Variants in METAP2 observed in about 807,000 individuals in gnomAD.
METAP2 encodes the protein methionyl aminopeptidase 2.
Under a neutral mutation model 59.4 loss-of-function variants are expected in METAP2, and 25 were observed. The observed-to-expected ratio is 0.42, with a 90% CI of 0.31 to 0.59. The LOEUF (loss-of-function observed/expected upper bound fraction) is 0.59, where lower values mean the gene tolerates loss of function less well. Among genes scored for constraint, METAP2 ranks in the 20% least tolerant of loss-of-function variants. METAP2 has a pLI of 0.16. For synonymous variants in METAP2, 214 were observed against 194.1 expected, an observed-to-expected ratio of 1.10 and a Z score of -0.85; for missense variants, 366 against 581.2, an observed-to-expected ratio of 0.63 and a Z score of 3.81.
rs375140588 is a variant in METAP2, at chr12:95,474,186, G to A, written c.7G>A (p.Gly3Ser). 1.4e-5 allele frequency: 22 copies of A among 1,613,652 alleles called. No homozygotes were observed. The highest frequency in any genetic ancestry group is 1.8e-5 in the Non-Finnish European group (21 of 1,179,818). ...TCGCGCTCTCTCGGGCAACATGGCG[G>A]GTGTGGAGGAGGTAGCGGCCTCCGG... MA[G>S]VEEVAASGSH... is the part of the protein sequence containing the mutation. The change falls in exon 1 of 11, where the codon GGT becomes AGT. Residue 3 changes from glycine to serine, a missense_variant. Coordinates refer to ENST00000323666, the MANE Select transcript of METAP2 (RefSeq NM_006838.4).
chr12:95,475,756 T>G (rs1005275712), intron 1 of METAP2, among the ~76,000 whole-genome samples: 2 of 152,236 alleles, frequency 1.3e-5, no homozygotes, highest in African/African-American at 2.4e-5. Flanking sequence ...ATCTGGTGTT[T>G]AAGTATTTGT....
At chr12:95,511,211 G>C (rs1410410051) in intron 8 of METAP2, among the ~76,000 whole-genome samples, 1 of 152,006 alleles carries the variant, frequency 6.6e-6, no homozygotes, top group African/African-American at 2.4e-5. Context: ...CATATTAACA[G>C]TATCTTTCAC....
Position 95,514,808 on chromosome 12 carries a change from T to C in METAP2, c.*904T>C, listed in dbSNP as rs1160621546. The C allele has an allele frequency of 6.6e-6, 1 of 152,178 alleles. No homozygotes were observed. The highest frequency in any genetic ancestry group is 1.9e-4 in the East Asian group (1 of 5,204). The allele number at this position is 152,178 out of a possible 1,614,324, so 9.4% of individuals were successfully genotyped here. A position where few individuals can be genotyped will look rare whatever the true frequency, so the allele number is the denominator to read the frequency against. On this transcript the variant is annotated 3_prime_UTR_variant, in exon 11 of 11. Coordinates refer to ENST00000323666, the MANE Select transcript of METAP2 (RefSeq NM_006838.4). ...TCCCATGTTTGGATCTTGTTCTAGT[T>C]AGAAAAATTAAGTTGAAATTCTTGG...
chr12:95,505,966 A>C (rs2076355996), intron 8 of METAP2, among the ~76,000 whole-genome samples: 1 of 151,460 alleles, frequency 6.6e-6, no homozygotes. Flanking sequence ...GCGTGATGGC[A>C]CACACCTGTA....
rs1594408972 is a variant in METAP2, at chr12:95,477,514, G to A, written c.259+1336G>A. On this transcript the variant is annotated intron_variant, in intron 2 of 10. Transcript: ENST00000323666. ...CCTTCTGGGTGTTTGGGTACAATAA[G>A]ATTTTTTTAAAGACAGCAACTGCTA... is the stretch of plus-strand genomic sequence containing the variant. 3.9e-5 allele frequency among the ~76,000 whole-genome samples: 6 copies of A among 152,296 alleles called. No individual in the cohort carries two copies. In the Middle Eastern group the frequency reaches 0.014, roughly 345 times the overall value.
rs568123900 is a variant in METAP2, at chr12:95,494,294, G to A, written c.590+77G>A. 1.7e-5 allele frequency: 23 copies of A among 1,350,512 alleles called. No individual in the cohort carries two copies. The East Asian group carries it at 5.3e-4, about 31-fold the overall frequency. 83.7% of individuals were successfully genotyped at this position (1,350,512 alleles called of 1,614,324 possible). ...ACTAACTCTCCAATTATAATGTTTG[G>A]CTTTCATTACCACTTTGCTAAATCT... On this transcript the variant is annotated intron_variant, in intron 5 of 10. Transcript: ENST00000323666.
intron 2 of METAP2, among the ~76,000 whole-genome samples, chr12:95,481,036 A>G (rs61064612): frequency 0.027 from 4,060 of 152,310 alleles, 164 homozygotes; most frequent in African/African-American, 0.093. Context: ...AGTGCAAGGC[A>G]GAGCTTAAAA....
chr12:95,501,007 A>AT (rs540202398), intron 7 of METAP2, among the ~76,000 whole-genome samples: 12,908 of 103,448 alleles, frequency 0.12, 1,044 homozygotes, highest in South Asian at 0.17. Flanking sequence ...CTTTGTTGGG[A>AT]TTTTTTTTTT....
intron 3 of METAP2, among the ~76,000 whole-genome samples, chr12:95,485,071 A>G (rs1439423474): frequency 6.6e-6 from 1 of 152,220 alleles, no homozygotes; most frequent in Non-Finnish European, 1.5e-5. Flanking sequence ...TGATAACCAT[A>G]GTACAGATTA....
intron 7 of METAP2, 49 bp downstream of exon 7, chr12:95,496,147 A>G (rs17024311): frequency 0.09 from 114,524 of 1,274,758 alleles, 5,554 homozygotes; most frequent in East Asian, 0.19. Context: ...TGAGCACTTT[A>G]AGGTCTTTTA....
At chr12:95,505,007 A>G (rs993558021) in intron 8 of METAP2, among the ~76,000 whole-genome samples, 4 of 151,954 alleles carry the variant, frequency 2.6e-5, no homozygotes, top group African/African-American at 7.3e-5. Context: ...ACCATCCCCC[A>G]GCCACCATCC....
At chr12:95,486,448 A>T (rs1239356112) in intron 4 of METAP2, among the ~76,000 whole-genome samples, 2 of 150,852 alleles carry the variant, frequency 1.3e-5, no homozygotes, top group Admixed American at 6.6e-5. Flanking sequence ...ACTTATCCTT[A>T]GTGAGATTTA....
chr12:95,483,529 G>C (rs2076175030), intron 3 of METAP2: 1 of 351,350 alleles, frequency 2.8e-6, no homozygotes. Context: ...GGTTTGAAGA[G>C]TAGGTTTGAA....
chr12:95,511,036 C>T lies in METAP2; in HGVS notation c.965-859C>T, dbSNP rs147844164. ...TTTTGATTGTTGAATGTTATTCCCT[C>T]GTGAATATGCCACAATTTGTCTATT... On this transcript the variant is annotated intron_variant, in intron 8 of 10. Transcript: ENST00000323666. Among the ~76,000 whole-genome samples, 886 of 152,226 alleles carry T rather than the reference C, an allele frequency of 5.8e-3. 8 individuals are homozygous for T. Among genetic ancestry groups the T allele is most frequent in the African/African-American group, 0.02 (839 of 41,532 alleles).
Position 95,493,066 on chromosome 12 carries a change from A to G in METAP2, c.429-990A>G, listed in dbSNP as rs145306553. ...CAGTGGTCACTAAGTTGCAAACTGT[A>G]TATTCAGTATTTAAGAATGTGTGAA... On this transcript the variant is annotated intron_variant, in intron 4 of 10. Coordinates refer to ENST00000323666, the MANE Select transcript of METAP2 (RefSeq NM_006838.4). 2.9e-3 allele frequency among the ~76,000 whole-genome samples: 446 copies of G among 152,320 alleles called. 2 individuals carry two copies. Among genetic ancestry groups the G allele is most frequent in the African/African-American group, 0.01 (419 of 41,578 alleles).
At chr12:95,502,179 CTT>C (rs1267790766) in intron 7 of METAP2, among the ~76,000 whole-genome samples, 1 of 151,616 alleles carries the variant, frequency 6.6e-6, no homozygotes, top group African/African-American at 2.4e-5. Context: ...ATTTTTAAAA[CTT>C]TTTTGTAGAG....
chr12:95,489,041 C>T (rs1250693118), intron 4 of METAP2, among the ~76,000 whole-genome samples: 4 of 151,904 alleles, frequency 2.6e-5, no homozygotes, highest in Non-Finnish European at 4.4e-5. Flanking sequence ...TTATTTTTTC[C>T]AGGTAGGTTC....
At chr12:95,474,881 A>G (rs1275701091) in intron 1 of METAP2, among the ~76,000 whole-genome samples, 1 of 152,096 alleles carries the variant, frequency 6.6e-6, no homozygotes, top group Non-Finnish European at 1.5e-5. Context: ...CCGCGCGCTC[A>G]TGTCATTAAT....
At chr12:95,475,601 C>T (rs2596771) in intron 1 of METAP2, among the ~76,000 whole-genome samples, 12,008 of 152,118 alleles carry the variant, frequency 0.079, 656 homozygotes, top group Non-Finnish European at 0.12. Context: ...GATATTTGAG[C>T]GTTTTAGTTT....
Sources: allele counts gnomAD v4.1 joint callset (sites outside exome capture counted in the v4.1 genomes callset), GRCh38; gene constraint gnomAD v4.1.1; transcripts MANE v1.5; gene names NCBI Gene and HGNC (gene_info 2026-07-23, HGNC 2026-07-21).